The following NTN1 variants were observed in gnomAD, a reference collection of about 807,000 sequenced individuals.
NTN1 encodes the protein netrin-1.
Under a neutral mutation model 54.2 loss-of-function variants are expected in NTN1, and 11 were observed. The ratio of observed to expected loss-of-function variants is 0.20; its 90% CI spans 0.13 to 0.34. The LOEUF (loss-of-function observed/expected upper bound fraction) is 0.34. Ranked by LOEUF, NTN1 falls within the 10% of genes least tolerant of loss-of-function variation. The probability of loss-of-function intolerance (pLI) is 1.00; values close to 1 mark genes in which losing one functional copy is unlikely to be tolerated. For synonymous variants in NTN1, 371 were observed against 382.0 expected, an observed-to-expected ratio of 0.97 and a Z score of 0.33; for missense variants, 740 against 893.1, an observed-to-expected ratio of 0.83 and a Z score of 2.18.
chr17:9,003,320 G>A, the NTN1 span, among the ~76,000 whole-genome samples: 3 of 151,850 alleles, frequency 2.0e-5, no homozygotes, highest in Non-Finnish European at 2.9e-5. The surrounding 1 kb of genome is among the most constrained non-coding windows in gnomAD (Gnocchi z 7.4). Context: ...GGGGGTGGCC[G>A]CGGGCCGGGG....
intron 2 of NTN1, among the ~76,000 whole-genome samples, chr17:9,066,487 G>T (rs542380709): frequency 6.6e-6 from 1 of 151,902 alleles, no homozygotes; most frequent in African/African-American, 2.4e-5. Context: ...AATTAGCCAG[G>T]TGTGGTGGTG....
Position 9,163,012 on chromosome 17 carries a change from C to T in NTN1, c.1207+11C>T, listed in dbSNP as rs8067722. 2.4e-3 allele frequency: 3,868 copies of T among 1,587,036 alleles called. 88 individuals are homozygous for T. The African/African-American group carries it at 0.046, about 19-fold the overall frequency. The stretch of plus-strand genomic sequence containing the variant: ...GGAAGGCCTGCAAAGGTGGGCTACA[C>T]GTGGCGGGGCGGGGGGCTGGGGAGA... On this transcript the variant is annotated intron_variant, in intron 3 of 6. Coordinates refer to ENST00000173229, the MANE Select transcript of NTN1 (RefSeq NM_004822.3).
intron 5 of NTN1, among the ~76,000 whole-genome samples, chr17:9,196,803 T>C (rs373016324): frequency 3.3e-4 from 50 of 152,296 alleles, no homozygotes; most frequent in African/African-American, 1.2e-3. Context: ...GCCTTCTATT[T>C]GTAGAGATCA....
intron 2 of NTN1, among the ~76,000 whole-genome samples, chr17:9,088,334 G>A (rs930163105): frequency 6.6e-6 from 1 of 152,190 alleles, no homozygotes; most frequent in African/African-American, 2.4e-5. Flanking sequence ...CCTAGTAAGT[G>A]GGGATCAGGA....
At chr17:9,089,242 G>A (rs990068392) in intron 2 of NTN1, among the ~76,000 whole-genome samples, 3 of 152,140 alleles carry the variant, frequency 2.0e-5, no homozygotes, top group Admixed American at 6.5e-5. Flanking sequence ...GTGAAACCCC[G>A]TCTCTACTAA....
chr17:9,100,974 T>G (rs1472660536), intron 2 of NTN1, among the ~76,000 whole-genome samples: 1 of 152,184 alleles, frequency 6.6e-6, no homozygotes, highest in Non-Finnish European at 1.5e-5. Flanking sequence ...ACCATTGAGA[T>G]CTCCTGCCTG....
chr17:9,164,656 T>C (rs956646020), intron 3 of NTN1, among the ~76,000 whole-genome samples: 1 of 152,150 alleles, frequency 6.6e-6, no homozygotes, highest in African/African-American at 2.4e-5. Flanking sequence ...GAAATCCCTT[T>C]GATTCCAAAT....
chr17:9,158,709 TGG>T (rs1483689742), intron 2 of NTN1, among the ~76,000 whole-genome samples: 92 of 152,318 alleles, frequency 6.0e-4, no homozygotes, highest in Non-Finnish European at 1.1e-3. Context: ...CACCCTTGTC[TGG>T]CAGAGTGAGT....
At chr17:9,120,099 T>C (rs909044570) in intron 2 of NTN1, among the ~76,000 whole-genome samples, 1 of 151,880 alleles carries the variant, frequency 6.6e-6, no homozygotes, top group African/African-American at 2.4e-5. Flanking sequence ...GCTAACATGG[T>C]GAAACCCCAT....
chr17:9,082,336 C>T (rs990226157), intron 2 of NTN1, among the ~76,000 whole-genome samples: 1 of 152,250 alleles, frequency 6.6e-6, no homozygotes, highest in African/African-American at 2.4e-5. Flanking sequence ...GCTGGGATTA[C>T]AGGCATGAGC....
chr17:9,167,669 C>T (rs114602153), intron 3 of NTN1, among the ~76,000 whole-genome samples: 2,915 of 152,296 alleles, frequency 0.019, 77 homozygotes, highest in African/African-American at 0.059. Context: ...ATCGTCCTCA[C>T]ATCTTTGCTA....
intron 1 of NTN1, 140 bp from the exon 2 acceptor site, chr17:9,022,171 T>C (rs571911428): frequency 3.3e-5 from 17 of 516,864 alleles, no homozygotes; most frequent in South Asian, 9.7e-5. Flanking sequence ...CCGCGGGACT[T>C]TGGGGGAGAG....
At chr17:9,226,804 T>G (rs1050368315) in intron 6 of NTN1, among the ~76,000 whole-genome samples, 5 of 152,152 alleles carry the variant, frequency 3.3e-5, no homozygotes, top group African/African-American at 1.2e-4. Flanking sequence ...GTGTGCGTGC[T>G]CACCACACAG....
At chr17:9,106,484 CCTTCCTTCCTTCCTTCCTT>C (rs2092167043) in intron 2 of NTN1, among the ~76,000 whole-genome samples, 2 of 36,576 alleles carry the variant, frequency 5.5e-5, no homozygotes, top group African/African-American at 1.7e-4. Context: ...TTCCTTCCTT[CCTTCCTTCCTTCCTTCCTT>C]CCTTCCTTCC....
intron 6 of NTN1, among the ~76,000 whole-genome samples, chr17:9,237,713 G>A (rs529701944): frequency 6.6e-6 from 1 of 152,218 alleles, no homozygotes; most frequent in African/African-American, 2.4e-5. Context: ...GTCCTGGGGA[G>A]AGGAAAGCGG....
rs1338841594 is a variant in NTN1, at chr17:9,211,719, C to T, written c.1412-9449C>T. 6.6e-6 allele frequency among the ~76,000 whole-genome samples: 1 copy of T among 152,182 alleles called. No homozygotes were observed. The highest frequency in any genetic ancestry group is 1.5e-5 in the Non-Finnish European group (1 of 68,042). On this transcript the variant is annotated intron_variant, in intron 5 of 6. Transcript: ENST00000173229. The surrounding 1 kb of genome is among the most constrained non-coding windows in gnomAD (Gnocchi z 4.4). ...GTGAGTGTGTGTATGCTTGCCTTCA[C>T]CAGTTTGCTAGGCAGAAGCGCTATA...
At chr17:9,118,328 T>C (rs1030980136) in intron 2 of NTN1, among the ~76,000 whole-genome samples, 3 of 152,170 alleles carry the variant, frequency 2.0e-5, no homozygotes, top group African/African-American at 7.2e-5. Context: ...AAGACCAGCC[T>C]GGCCATGGTA....
chr17:9,157,764 C>T (rs946105948), intron 2 of NTN1, among the ~76,000 whole-genome samples: 3 of 152,208 alleles, frequency 2.0e-5, no homozygotes, highest in Non-Finnish European at 2.9e-5. Context: ...TGTCCTTGCC[C>T]CTGCTGGTCC....
intron 2 of NTN1, among the ~76,000 whole-genome samples, chr17:9,073,001 T>C (rs1423717891): frequency 1.3e-5 from 2 of 152,250 alleles, no homozygotes; most frequent in African/African-American, 2.4e-5. Context: ...ATAACATGAT[T>C]ACCCCAAAGT....
Sources: allele counts gnomAD v4.1 joint callset (sites outside exome capture counted in the v4.1 genomes callset), GRCh38; gene constraint gnomAD v4.1.1; non-coding constraint Gnocchi (gnomAD v3.1); transcripts MANE v1.5; gene names NCBI Gene and HGNC (gene_info 2026-07-23, HGNC 2026-07-21).